The following LYPD6B variants were observed in gnomAD, a reference collection of about 807,000 sequenced individuals.
The protein encoded by LYPD6B is ly6/PLAUR domain-containing protein 6B.
A neutral mutation model predicts 22.8 loss-of-function variants in LYPD6B; 17 were observed. The observed-to-expected ratio is 0.75, with a 90% CI of 0.51 to 1.12. The LOEUF is 1.12. Among genes scored for constraint, LYPD6B ranks in the 50% most tolerant of loss-of-function variants. The pLI, the probability that LYPD6B is intolerant of heterozygous loss-of-function variation, is 0.00. For synonymous variants in LYPD6B, 106 were observed against 91.6 expected, an observed-to-expected ratio of 1.16 and a Z score of -0.90; for missense variants, 221 against 258.3, an observed-to-expected ratio of 0.86 and a Z score of 0.99.
rs191300699 is a variant in LYPD6B, at chr2:149,202,703, A to G, written c.78-2550A>G. ...CGATAACAATAACTTGTTATTTATT[A>G]GGTATCAATAACAACATGTTGAATG... On this transcript the variant is annotated intron_variant, in intron 3 of 6. Coordinates refer to ENST00000409642, the MANE Select transcript of LYPD6B (RefSeq NM_177964.5). Among the ~76,000 whole-genome samples, 419 of 152,310 alleles carry G rather than the reference A, an allele frequency of 2.8e-3. 3 individuals are homozygous for G. The highest frequency in any genetic ancestry group is 7.0e-3 in the African/African-American group (293 of 41,580).
chr2:149,080,860 AAAAAAAAC>A (rs1417438586), intron 1 of LYPD6B, among the ~76,000 whole-genome samples: 7 of 130,292 alleles, frequency 5.4e-5, no homozygotes, highest in African/African-American at 2.0e-4. Flanking sequence ...AAAAAAAAAA[AAAAAAAAC>A]CACACAAAAA....
intron 4 of LYPD6B, among the ~76,000 whole-genome samples, chr2:149,207,902 A>G (rs1693600926): frequency 6.6e-6 from 1 of 152,090 alleles, no homozygotes; most frequent in Non-Finnish European, 1.5e-5. Flanking sequence ...TCACACAACT[A>G]ATCTGTGGGG....
At chr2:149,179,391 A>G (rs571962879) in intron 3 of LYPD6B, among the ~76,000 whole-genome samples, 2 of 152,338 alleles carry the variant, frequency 1.3e-5, no homozygotes, top group African/African-American at 2.4e-5. Context: ...TGTAGCCTTT[A>G]TGTTGGTGAA....
At chr2:149,189,574 A>T (rs1052143945) in intron 3 of LYPD6B, among the ~76,000 whole-genome samples, 2 of 151,842 alleles carry the variant, frequency 1.3e-5, no homozygotes, top group African/African-American at 2.4e-5. Flanking sequence ...GGGACAAAAA[A>T]GTTGGTGCCT....
At chr2:149,186,056 T>A (rs1416666951) in intron 3 of LYPD6B, among the ~76,000 whole-genome samples, 2 of 152,236 alleles carry the variant, frequency 1.3e-5, no homozygotes, top group Admixed American at 1.3e-4. Context: ...AATAACCCTA[T>A]GGCCTCTAAG....
At chr2:149,175,369 A>G (rs1691220193) in intron 3 of LYPD6B, among the ~76,000 whole-genome samples, 1 of 152,148 alleles carries the variant, frequency 6.6e-6, no homozygotes, top group African/African-American at 2.4e-5. Context: ...TATGAAAGAT[A>G]AAAAATGGTA....
intron 2 of LYPD6B, among the ~76,000 whole-genome samples, chr2:149,143,012 A>G (rs1329198817): frequency 1.3e-5 from 2 of 152,230 alleles, no homozygotes; most frequent in Non-Finnish European, 2.9e-5. Context: ...TTCTGCTATT[A>G]TTCACATCTT....
rs1161513029 is a variant in LYPD6B at position 149,124,380 on chromosome 2, G to C, written c.-66-6503G>C. On this transcript the variant is annotated intron_variant, in intron 1 of 6. Coordinates refer to ENST00000409642, the MANE Select transcript of LYPD6B (RefSeq NM_177964.5). ...TTATCAATGCTCAGGGCAATTATGT[G>C]CATGTGGAAAACCCACGTAAAGGTG... Among the ~76,000 whole-genome samples, 6 of 152,308 alleles carry C rather than the reference G, an allele frequency of 3.9e-5. No homozygotes were observed. In the South Asian group the frequency reaches 1.2e-3, roughly 32 times the overall value.
chr2:149,124,473 A>G (rs936591743), intron 1 of LYPD6B, among the ~76,000 whole-genome samples: 2 of 152,230 alleles, frequency 1.3e-5, no homozygotes, highest in African/African-American at 4.8e-5. Context: ...TTAAGTGGGC[A>G]TCACACGATA....
chr2:149,128,412 T>G (rs2105674639), intron 1 of LYPD6B, among the ~76,000 whole-genome samples: 1 of 152,364 alleles, frequency 6.6e-6, no homozygotes, highest in African/African-American at 2.4e-5. Flanking sequence ...GGATACTTTC[T>G]GAAAACTGCT....
At chr2:149,086,996 A>G (rs573564480) in intron 1 of LYPD6B, among the ~76,000 whole-genome samples, 1 of 140,196 alleles carries the variant, frequency 7.1e-6, no homozygotes, top group Admixed American at 7.9e-5. Context: ...CTCTTAATGA[A>G]GTAAGAAGGT....
intron 2 of LYPD6B, among the ~76,000 whole-genome samples, chr2:149,140,251 T>G (rs1279694522): frequency 1.3e-5 from 2 of 152,294 alleles, no homozygotes; most frequent in East Asian, 1.9e-4. Context: ...CAGCTTTTCT[T>G]GGTCAGTGCT....
At chr2:149,175,061 C>CTGTGTGTGTGTG (rs1330239336) in intron 3 of LYPD6B, among the ~76,000 whole-genome samples, 26 of 113,068 alleles carry the variant, frequency 2.3e-4, no homozygotes, top group African/African-American at 5.8e-4. Flanking sequence ...CTCTCTCTCT[C>CTGTGTGTGTGTG]TGTGTGTGTG....
intron 1 of LYPD6B, among the ~76,000 whole-genome samples, chr2:149,072,553 T>C (rs1684671809): frequency 6.6e-6 from 1 of 151,948 alleles, no homozygotes; most frequent in Non-Finnish European, 1.5e-5. Flanking sequence ...TTTTATTTTT[T>C]TGAGACACAG....
chr2:149,106,648 A>G (rs1410554272), intron 1 of LYPD6B, among the ~76,000 whole-genome samples: 1 of 151,960 alleles, frequency 6.6e-6, no homozygotes. Context: ...CCTTTTTGAT[A>G]TTGATAATTT....
chr2:149,181,919 A>C (rs1398750708), intron 3 of LYPD6B, among the ~76,000 whole-genome samples: 1 of 152,180 alleles, frequency 6.6e-6, no homozygotes, highest in Non-Finnish European at 1.5e-5. Flanking sequence ...AAAAGGCAGC[A>C]TGGTATGGCA....
intron 1 of LYPD6B, among the ~76,000 whole-genome samples, chr2:149,056,407 G>C (rs1236707385): frequency 6.6e-6 from 1 of 152,146 alleles, no homozygotes; most frequent in Non-Finnish European, 1.5e-5. Flanking sequence ...CTGTCAGAAG[G>C]AAACAGGTGA....
chr2:149,210,782 AG>A (rs1251915618), intron 5 of LYPD6B, among the ~76,000 whole-genome samples: 2 of 152,156 alleles, frequency 1.3e-5, no homozygotes, highest in Non-Finnish European at 2.9e-5. Context: ...CTTTGTTTAG[AG>A]TGGAAATTGA....
chr2:149,067,002 A>G (rs1684365724), intron 1 of LYPD6B, among the ~76,000 whole-genome samples: 1 of 152,108 alleles, frequency 6.6e-6, no homozygotes, highest in Non-Finnish European at 1.5e-5. Flanking sequence ...TATTGTAGCT[A>G]TCTTTACTTC....
Sources: gnomAD v4.1 joint callset for allele counts (sites outside exome capture counted in the v4.1 genomes callset) on GRCh38, gnomAD v4.1.1 for gene constraint, MANE v1.5 for transcripts, NCBI Gene and HGNC (gene_info 2026-07-23, HGNC 2026-07-21) for gene names.